The following ROS1 variants were observed in gnomAD, a reference collection of about 807,000 sequenced individuals.
ROS1 encodes the protein ROS proto-oncogene 1, receptor tyrosine kinase, also known as proto-oncogene tyrosine-protein kinase ROS.
Under a neutral mutation model 273.5 loss-of-function variants are expected in ROS1, and 263 were observed. The observed-to-expected ratio is 0.96, with a 90% CI of 0.87 to 1.06. The LOEUF is 1.06. ROS1 is among the 50% of genes least tolerant of loss of function. The pLI is 0.00. For synonymous variants in ROS1, 1,008 were observed against 954.1 expected, an observed-to-expected ratio of 1.06 and a Z score of -1.04; for missense variants, 2,833 against 2,751.1, an observed-to-expected ratio of 1.03 and a Z score of -0.67.
chr6:117,347,829 TG>T (rs1778501538), intron 27 of ROS1, among the ~76,000 whole-genome samples: 1 of 152,242 alleles, frequency 6.6e-6, no homozygotes, highest in Admixed American at 6.5e-5. Flanking sequence ...TGTGACCGCC[TG>T]ATTTTTCCTC....
At chr6:117,317,365 G>C (rs2128556061) in intron 38 of ROS1, 93 bp from the exon 39 acceptor site, 3 of 1,392,084 alleles carry the variant, frequency 2.2e-6, no homozygotes, top group Non-Finnish European at 2.9e-6. Flanking sequence ...TTTATCAATA[G>C]TTTCCTTCAA....
chr6:117,385,029 G>A (rs1038423544), intron 16 of ROS1, among the ~76,000 whole-genome samples: 13 of 152,076 alleles, frequency 8.5e-5, no homozygotes, highest in Admixed American at 2.0e-4. Context: ...CTTGTAAACC[G>A]TGAGGATGCC....
At chr6:117,325,185 G>C (rs1380406334) in intron 34 of ROS1, among the ~76,000 whole-genome samples, 1 of 152,140 alleles carries the variant, frequency 6.6e-6, no homozygotes. Context: ...TATAGCATGT[G>C]AGTGTATAAA....
chr6:117,317,260 A>G lies in ROS1; in HGVS notation c.6000T>C (p.His2000=), dbSNP rs763916632. ...KEAHLMSKFN[H]PNILKQLGVC... is the part of the protein sequence containing the mutation. The stretch of plus-strand genomic sequence containing the variant: ...CTCCAAGCTGCTTCAGAATGTTGGG[A>G]TGATTAAATTTGCTGAAAGGTGGAA... Residue 2000 remains histidine (H), a synonymous_variant, in exon 39 of 44, where the codon CAT becomes CAC. Transcript: ENST00000368507. 2.2e-5 allele frequency: 36 copies of G among 1,611,538 alleles called. No homozygotes were observed. The highest frequency in any genetic ancestry group is 3.0e-5 in the Non-Finnish European group (35 of 1,179,078).
At chr6:117,305,300 A>C (rs1288470449) in intron 42 of ROS1, among the ~76,000 whole-genome samples, 2 of 152,170 alleles carry the variant, frequency 1.3e-5, no homozygotes, top group Non-Finnish European at 2.9e-5. Flanking sequence ...AGAAAGAAAA[A>C]GAAGAAGGAA....
At chr6:117,390,406 C>A (rs1582825549) in intron 12 of ROS1, among the ~76,000 whole-genome samples, 1 of 152,034 alleles carries the variant, frequency 6.6e-6, no homozygotes. Flanking sequence ...GGATTACAGG[C>A]ATTAGCCACC....
intron 4 of ROS1, 60 bp downstream of exon 4, chr6:117,414,459 T>C: frequency 1.4e-6 from 1 of 720,590 alleles, no homozygotes; most frequent in Non-Finnish European, 2.5e-6. Context: ...AAAAGCTTTT[T>C]AGAGACCAGA....
At chr6:117,322,734 A>G (rs3798375) in intron 35 of ROS1, among the ~76,000 whole-genome samples, 30,472 of 152,148 alleles carry the variant, frequency 0.2, 3,127 homozygotes, top group South Asian at 0.26. Context: ...TAATTACTCA[A>G]TCTTTTCTCA....
At chr6:117,347,745 T>C (rs1582693614) in intron 27 of ROS1, among the ~76,000 whole-genome samples, 1 of 152,150 alleles carries the variant, frequency 6.6e-6, no homozygotes, top group East Asian at 1.9e-4. Flanking sequence ...GTTACCCCTA[T>C]TCTTAGTTTG....
At position 117,342,453 on chromosome 6, in the gene ROS1, G is replaced by T. The variant is rs1185119698; in HGVS notation, c.4598C>A (p.Pro1533His). 1 of 1,610,470 alleles carries T rather than the reference G, an allele frequency of 6.2e-7. No homozygotes were observed. Among genetic ancestry groups the T allele is most frequent in the African/African-American group, 1.3e-5 (1 of 74,834 alleles). ...QIAVKNYYSD[P>H]LEHLPPGKEI... ...TTTTCCTGGTGGTAAATGTTCCAAAGGATCTGAATAATAATTTTTTACAGC... is the reference window on the plus strand; with the variant it reads ...TTTTCCTGGTGGTAAATGTTCCAAATGATCTGAATAATAATTTTTTACAGC... The change falls in exon 29 of 44, where the codon CCT becomes CAT. Residue 1533 changes from proline (P) to histidine (H), a missense_variant. Physicochemically the swap from Pro to His is moderately conservative, Grantham distance 77. Transcript: ENST00000368507.
intron 38 of ROS1, 38 bp downstream of exon 38, chr6:117,318,150 T>C: frequency 6.5e-7 from 1 of 1,530,324 alleles, no homozygotes; most frequent in Non-Finnish European, 9.0e-7. Flanking sequence ...GACTTAAAAC[T>C]TCTTACCCAT....
intron 43 of ROS1, among the ~76,000 whole-genome samples, chr6:117,296,821 C>T (rs1774280814): frequency 6.6e-6 from 1 of 152,030 alleles, no homozygotes; most frequent in South Asian, 2.1e-4. Flanking sequence ...TGGTTTGTAA[C>T]ACAAAGGATA....
At chr6:117,345,710 C>G (rs369396009) in intron 27 of ROS1, among the ~76,000 whole-genome samples, 2 of 152,300 alleles carry the variant, frequency 1.3e-5, no homozygotes, top group East Asian at 1.9e-4. Context: ...GGGAAGGTTA[C>G]TCCAGCTCTT....
chr6:117,399,111 A>G (rs1773743168), intron 7 of ROS1, among the ~76,000 whole-genome samples: 1 of 152,250 alleles, frequency 6.6e-6, no homozygotes, highest in African/African-American at 2.4e-5. Context: ...AATCAGAAAC[A>G]TGAGATGCTA....
chr6:117,386,493 C>T (rs576860915), intron 15 of ROS1, among the ~76,000 whole-genome samples: 29 of 152,234 alleles, frequency 1.9e-4, no homozygotes, highest in Non-Finnish European at 3.8e-4. Context: ...ACCAATTATT[C>T]CTTATACCTT....
intron 21 of ROS1, 111 bp downstream of exon 21, chr6:117,364,948 TA>T: frequency 9.6e-7 from 1 of 1,037,354 alleles, no homozygotes; most frequent in Non-Finnish European, 1.4e-6. Flanking sequence ...GTATTGAATC[TA>T]AACACATCTA....
At chr6:117,350,896 A>T (rs1778792142) in intron 27 of ROS1, among the ~76,000 whole-genome samples, 1 of 151,848 alleles carries the variant, frequency 6.6e-6, no homozygotes. Flanking sequence ...TTGTATACTG[A>T]CTACTTTATC....
intron 37 of ROS1, among the ~76,000 whole-genome samples, 200 bp from the exon 38 acceptor site, chr6:117,318,452 A>C (rs573795290): frequency 1.3e-5 from 2 of 152,278 alleles, no homozygotes; most frequent in East Asian, 3.9e-4. Context: ...TATGCAAAAT[A>C]AGAGGTCTAG....
intron 18 of ROS1, among the ~76,000 whole-genome samples, chr6:117,370,386 C>T (rs1582766024): frequency 6.6e-6 from 1 of 152,004 alleles, no homozygotes; most frequent in East Asian, 1.9e-4. Flanking sequence ...CTGACCATTC[C>T]TCTGATTAAC....
Sources: allele counts gnomAD v4.1 joint callset (sites outside exome capture counted in the v4.1 genomes callset), GRCh38; gene constraint gnomAD v4.1.1; transcripts MANE v1.5; gene names NCBI Gene and HGNC (gene_info 2026-07-23, HGNC 2026-07-21).